BTBD9: variants seen among roughly 807,000 people sequenced by gnomAD.
BTBD9 encodes the protein BTB/POZ domain-containing protein 9.
BTBD9 carries 49 observed loss-of-function variants against 64.3 expected under a neutral mutation model. That is an observed-to-expected ratio of 0.76 (90% CI 0.61 to 0.97). BTBD9 has a LOEUF of 0.97. Ranked by LOEUF, BTBD9 falls within the 50% of genes least tolerant of loss-of-function variation. The probability of loss-of-function intolerance (pLI) is 0.00; values close to 1 mark genes in which losing one functional copy is unlikely to be tolerated. For synonymous variants in BTBD9, 260 were observed against 274.7 expected (o/e 0.95, Z 0.53); for missense variants, 598 against 762.1 (o/e 0.78, Z 2.53).
intron 1 of BTBD9, among the ~76,000 whole-genome samples, chr6:38,632,832 T>G (rs1778407100): frequency 6.6e-6 from 1 of 151,980 alleles, no homozygotes; most frequent in African/African-American, 2.4e-5. Context: ...CTCAGAAGCC[T>G]GAGAAGGGAG....
Position 38,543,706 on chromosome 6 carries a change from C to T in BTBD9, c.1154+33894G>A, listed in dbSNP as rs184920326. On this transcript the variant is annotated intron_variant, in intron 6 of 10. Coordinates refer to ENST00000481247, the MANE Select transcript of BTBD9 (RefSeq NM_001099272.2). ...GGCGCGGTGGCTCACGCCTGTAATC[C>T]TAGCACTTTGGGAGGCCGAGACGGG... is the stretch of plus-strand genomic sequence containing the variant. 3.1e-3 allele frequency among the ~76,000 whole-genome samples: 476 copies of T among 152,288 alleles called. 4 individuals carry two copies. Among genetic ancestry groups the T allele is most frequent in the African/African-American group, 0.011 (445 of 41,570 alleles).
At chr6:38,544,739 C>T (rs1484437995) in intron 6 of BTBD9, among the ~76,000 whole-genome samples, 2 of 151,504 alleles carry the variant, frequency 1.3e-5, no homozygotes, top group Non-Finnish European at 2.9e-5. Flanking sequence ...CCAGGTTGGC[C>T]AACGTGGTGA....
At chr6:38,443,671 C>T (rs1325293727) in intron 6 of BTBD9, among the ~76,000 whole-genome samples, 1 of 152,194 alleles carries the variant, frequency 6.6e-6, no homozygotes. Context: ...TCATTTCCAC[C>T]TCTTACCCAC....
At chr6:38,616,835 C>T (rs773339365) in intron 1 of BTBD9, among the ~76,000 whole-genome samples, 28 of 152,068 alleles carry the variant, frequency 1.8e-4, no homozygotes, top group Non-Finnish European at 4.0e-4. Context: ...ACCTTGCTAC[C>T]GCTCATTCTT....
At chr6:38,246,436 G>A (rs981556652) in intron 9 of BTBD9, among the ~76,000 whole-genome samples, 1 of 151,394 alleles carries the variant, frequency 6.6e-6, no homozygotes, top group African/African-American at 2.4e-5. Flanking sequence ...TCTGCCTAGG[G>A]TCAGACTTGG....
intron 6 of BTBD9, among the ~76,000 whole-genome samples, chr6:38,552,279 T>A (rs1352428294): frequency 6.6e-6 from 1 of 152,148 alleles, no homozygotes; most frequent in Non-Finnish European, 1.5e-5. Flanking sequence ...TAGGCTTACA[T>A]GCAAAGAGAG....
chr6:38,592,517 T>C, intron 4 of BTBD9, 59 bp downstream of exon 4: 2 of 1,585,828 alleles, frequency 1.3e-6, no homozygotes, highest in East Asian at 4.5e-5. Context: ...TTTGCGGTTT[T>C]AATGGCATGA....
intron 1 of BTBD9, among the ~76,000 whole-genome samples, chr6:38,637,504 T>C (rs1461225705): frequency 6.6e-6 from 1 of 152,260 alleles, no homozygotes; most frequent in Non-Finnish European, 1.5e-5. Flanking sequence ...TCAGTATTTT[T>C]AAGCATCGTT....
chr6:38,442,662 T>A (rs949125454), intron 6 of BTBD9, among the ~76,000 whole-genome samples: 1 of 18,928 alleles, frequency 5.3e-5, no homozygotes, highest in Non-Finnish European at 1.6e-4. Flanking sequence ...ATTTGTACTC[T>A]TTTTTTTTTT....
intron 6 of BTBD9, among the ~76,000 whole-genome samples, chr6:38,403,104 G>A (rs200345334): frequency 1.5e-4 from 13 of 88,360 alleles, no homozygotes; most frequent in African/African-American, 8.0e-4. Flanking sequence ...GAAGGGAGGG[G>A]AGAAGAAGGA....
At chr6:38,474,087 C>G (rs1435905955) in intron 6 of BTBD9, among the ~76,000 whole-genome samples, 1 of 152,142 alleles carries the variant, frequency 6.6e-6, no homozygotes, top group African/African-American at 2.4e-5. Context: ...TTATCTCATA[C>G]TTCCATATAA....
At chr6:38,495,322 C>T (rs117339746) in intron 6 of BTBD9, among the ~76,000 whole-genome samples, 12 of 152,306 alleles carry the variant, frequency 7.9e-5, no homozygotes, top group East Asian at 7.7e-4. Flanking sequence ...GAAACTCACA[C>T]GGGAGATCTT....
At chr6:38,227,557 G>A (rs537332826) in intron 9 of BTBD9, among the ~76,000 whole-genome samples, 81 of 152,312 alleles carry the variant, frequency 5.3e-4, no homozygotes, top group Admixed American at 1.6e-3. Context: ...TGGCTGGGAC[G>A]GCAGGGCTGG....
At chr6:38,476,247 T>C (rs1418819377) in intron 6 of BTBD9, among the ~76,000 whole-genome samples, 2 of 152,180 alleles carry the variant, frequency 1.3e-5, no homozygotes, top group South Asian at 2.1e-4. Flanking sequence ...CTCCCAGGGA[T>C]ATAAAATTAA....
At chr6:38,437,484 AAAG>A (rs1206666994) in intron 6 of BTBD9, among the ~76,000 whole-genome samples, 1 of 152,182 alleles carries the variant, frequency 6.6e-6, no homozygotes, top group African/African-American at 2.4e-5. Flanking sequence ...TATTCACTGA[AAAG>A]AAGACATGTG....
At chr6:38,528,317 G>A (rs1184778523) in intron 6 of BTBD9, among the ~76,000 whole-genome samples, 1 of 152,106 alleles carries the variant, frequency 6.6e-6, no homozygotes, top group African/African-American at 2.4e-5. Context: ...AAGTGTTCCG[G>A]GGCCTTCAAT....
intron 6 of BTBD9, among the ~76,000 whole-genome samples, chr6:38,431,281 A>C (rs901105817): frequency 1.3e-5 from 2 of 150,858 alleles, no homozygotes; most frequent in Non-Finnish European, 2.9e-5. Context: ...GATTATGGGT[A>C]ATAGTAATAA....
At chr6:38,618,582 C>T (rs988606381) in intron 1 of BTBD9, among the ~76,000 whole-genome samples, 1 of 152,136 alleles carries the variant, frequency 6.6e-6, no homozygotes, top group Non-Finnish European at 1.5e-5. Context: ...CACAAAACCC[C>T]CCAGGCTATC....
At chr6:38,438,096 G>A (rs1330521094) in intron 6 of BTBD9, among the ~76,000 whole-genome samples, 7 of 151,530 alleles carry the variant, frequency 4.6e-5, no homozygotes, top group African/African-American at 1.7e-4. Flanking sequence ...ACTGACTGAA[G>A]CCTGAAAACA....
Sources: allele counts gnomAD v4.1 joint callset (sites outside exome capture counted in the v4.1 genomes callset), GRCh38; gene constraint gnomAD v4.1.1; transcripts MANE v1.5; gene names NCBI Gene and HGNC (gene_info 2026-07-23, HGNC 2026-07-21).